Variants in CDC42BPA observed in about 807,000 individuals in gnomAD.
CDC42BPA encodes CDC42 binding protein kinase alpha, also known as serine/threonine-protein kinase MRCK alpha.
In CDC42BPA, 80 loss-of-function variants were observed where a neutral mutation model predicts 223.5. The observed-to-expected ratio is 0.36, with a 90% CI of 0.30 to 0.43. The LOEUF (loss-of-function observed/expected upper bound fraction) is 0.43, where lower values mean the gene tolerates loss of function less well. CDC42BPA is among the 20% of genes least tolerant of loss of function. The pLI is 1.00. For missense variants in CDC42BPA, 1,743 were observed against 2,099.9 expected (o/e 0.83, Z 3.32); for synonymous variants, 694 against 718.6 (o/e 0.97, Z 0.55).
chr1:227,316,583 A>G lies in CDC42BPA; in HGVS notation c.178+422T>C, dbSNP rs1430446823. Among the ~76,000 whole-genome samples, 2 of 152,238 alleles carry G rather than the reference A, an allele frequency of 1.3e-5. 1 individual carries two copies. Among genetic ancestry groups the G allele is most frequent in the Non-Finnish European group, 2.9e-5 (2 of 68,034 alleles). On this transcript the variant is annotated intron_variant, in intron 1 of 36. Coordinates refer to ENST00000366766, the MANE Select transcript of CDC42BPA (RefSeq NM_001394014.1). ...TTCTGTTGACCTAAGGCAAACACAG[A>G]TATTTTAATATCTCCTCCTATTTTG...
In CDC42BPA at chr1:226,993,969, T is replaced by C. The variant is rs1488202392; in HGVS notation, c.*299A>G. 3.7e-6 allele frequency: 1 copy of C among 271,046 alleles called. No homozygotes were observed. The highest frequency in any genetic ancestry group is 2.2e-5 in the African/African-American group (1 of 44,742). 16.8% of individuals were successfully genotyped at this position (271,046 alleles called of 1,614,324 possible). On this transcript the variant is annotated 3_prime_UTR_variant, in exon 37 of 37. Coordinates refer to ENST00000366766, the MANE Select transcript of CDC42BPA (RefSeq NM_001394014.1). ...TCTTATCACTTACATTTGTGTAATCTGTCTATTTAAGCTACCTTTGGGAGT... is the reference window on the plus strand; with the variant it reads ...TCTTATCACTTACATTTGTGTAATCCGTCTATTTAAGCTACCTTTGGGAGT...
intron 2 of CDC42BPA, among the ~76,000 whole-genome samples, chr1:227,247,287 A>T (rs1203818414): frequency 6.7e-6 from 1 of 149,710 alleles, no homozygotes; most frequent in Non-Finnish European, 1.5e-5. Flanking sequence ...ACTTGAGGTC[A>T]AAGACCAGCC....
Position 227,199,616 on chromosome 1 carries a change from T to G in CDC42BPA, c.391A>C (p.Asn131His). The G allele has an allele frequency of 6.2e-7, 1 of 1,608,726 alleles. No individual in the cohort carries two copies. The highest frequency in any genetic ancestry group is 8.5e-7 in the Non-Finnish European group (1 of 1,176,310). The change falls in exon 4 of 37, where the codon AAT becomes CAT. Residue 131 changes from asparagine (N) to histidine (H), a missense_variant. Coordinates refer to ENST00000366766, the MANE Select transcript of CDC42BPA (RefSeq NM_001394014.1). ...GTTGTAATCCATTTATTGTCTCCAT[T>G]CACTAATACATCCCTTTCTTCACGA... ...CFREERDVLVNGDNKWITTLH... is the reference protein window; with the variant it reads ...CFREERDVLVHGDNKWITTLH...
Position 226,990,837 on chromosome 1 carries a change from T to C in CDC42BPA, c.*3431A>G, listed in dbSNP as rs543194668. On this transcript the variant is annotated 3_prime_UTR_variant, in exon 37 of 37. Coordinates refer to ENST00000366766, the MANE Select transcript of CDC42BPA (RefSeq NM_001394014.1). ...GAGGCTGAGAGCTAGCCAGGAATGA[T>C]AGATTGTTGCTGTAAACATGACAGG... 11 of 152,744 alleles carry C rather than the reference T, an allele frequency of 7.2e-5. No homozygotes were observed. In the South Asian group the frequency reaches 1.4e-3, roughly 20 times the overall value. 9.5% of individuals were successfully genotyped at this position (152,744 alleles called of 1,614,324 possible).
At position 227,016,222 on chromosome 1, in the gene CDC42BPA, A is replaced by G. The variant is rs999293061; in HGVS notation, c.4740-25T>C. ...CCTGTAAGACAAGGCATCTGTTTAGATACTTTTTCCACAGTTAATTTATGT... is the reference window on the plus strand; with the variant it reads ...CCTGTAAGACAAGGCATCTGTTTAGGTACTTTTTCCACAGTTAATTTATGT... On this transcript the variant is annotated intron_variant, in intron 33 of 36. Coordinates refer to ENST00000366766, the MANE Select transcript of CDC42BPA (RefSeq NM_001394014.1). 3.2e-6 allele frequency: 4 copies of G among 1,235,706 alleles called. No individual in the cohort carries two copies. In the African/African-American group the frequency reaches 5.9e-5, roughly 18 times the overall value. The allele number at this position is 1,235,706 out of a possible 1,614,324, so 76.5% of individuals were successfully genotyped here.
chr1:227,133,131 G>A (rs1271698910), intron 10 of CDC42BPA, among the ~76,000 whole-genome samples: 8 of 150,266 alleles, frequency 5.3e-5, no homozygotes, highest in Non-Finnish European at 7.4e-5. Context: ...TCCGGGAGGC[G>A]AGGGGCACCT....
intron 2 of CDC42BPA, among the ~76,000 whole-genome samples, chr1:227,239,448 T>C (rs1679652648): frequency 6.6e-6 from 1 of 152,156 alleles, no homozygotes; most frequent in South Asian, 2.1e-4. Flanking sequence ...TCAATGTAGT[T>C]TCCTGGATTG....
intron 1 of CDC42BPA, among the ~76,000 whole-genome samples, chr1:227,305,588 G>A (rs1026941205): frequency 3.4e-4 from 51 of 152,044 alleles, no homozygotes; most frequent in African/African-American, 1.2e-3. Context: ...CTCTTTCAAC[G>A]AAGTTCATAT....
intron 5 of CDC42BPA, among the ~76,000 whole-genome samples, chr1:227,170,455 A>C (rs1215977975): frequency 8.2e-6 from 1 of 121,534 alleles, no homozygotes; most frequent in African/African-American, 3.1e-5. Context: ...ACTCATGAGC[A>C]AAAAAAAAAA....
chr1:227,317,395 A>T lies in CDC42BPA; in HGVS notation c.-213T>A. The stretch of plus-strand genomic sequence containing the variant: ...ATTTCACCCATATACATATATTTTG[A>T]GGGTAAATTACCATAAAATATATAC... On this transcript the variant is annotated 5_prime_UTR_variant, in exon 1 of 37. Coordinates refer to ENST00000366766, the MANE Select transcript of CDC42BPA (RefSeq NM_001394014.1). 2.2e-6 allele frequency: 1 copy of T among 456,468 alleles called. No homozygotes were observed. Among genetic ancestry groups the T allele is most frequent in the Non-Finnish European group, 3.8e-6 (1 of 263,394 alleles). 28.3% of individuals were successfully genotyped at this position (456,468 alleles called of 1,614,324 possible).
chr1:227,258,176 G>GGAA (rs368193166), intron 1 of CDC42BPA, among the ~76,000 whole-genome samples: 7,053 of 108,010 alleles, frequency 0.065, 255 homozygotes, highest in Non-Finnish European at 0.084. Context: ...CCCTGTCCGG[G>GGAA]AAAAAAAAAA....
At position 227,297,967 on chromosome 1, in the gene CDC42BPA, T is replaced by TATACACACACACACAC. The variant is rs369403944; in HGVS notation, c.178+19037_178+19038insGTGTGTGTGTGTGTAT. ...GTGTGTGTGTGTGTATATATACATA[T>TATACACACACACACAC]ACACACACACACACATATATACATA... is the stretch of plus-strand genomic sequence containing the variant. On this transcript the variant is annotated intron_variant, in intron 1 of 36. Coordinates refer to ENST00000366766, the MANE Select transcript of CDC42BPA (RefSeq NM_001394014.1). Among the ~76,000 whole-genome samples, 764 of 132,036 alleles carry TATACACACACACACAC rather than the reference T, an allele frequency of 5.8e-3. 15 individuals are homozygous for TATACACACACACACAC. Among genetic ancestry groups the TATACACACACACACAC allele is most frequent in the African/African-American group, 0.021 (725 of 34,178 alleles). The allele number at this position is 132,036 out of a possible 152,430, so 86.6% of individuals were successfully genotyped here.
intron 1 of CDC42BPA, among the ~76,000 whole-genome samples, chr1:227,311,381 A>T (rs1304571942): frequency 6.6e-6 from 1 of 152,144 alleles, no homozygotes; most frequent in Non-Finnish European, 1.5e-5. Flanking sequence ...GAGCTAAGCA[A>T]TTCTTGGTCC....
chr1:227,001,956 AAAAAC>A (rs919307604), intron 35 of CDC42BPA, among the ~76,000 whole-genome samples: 8 of 152,180 alleles, frequency 5.3e-5, no homozygotes, highest in African/African-American at 1.2e-4. Context: ...AACCAAAACA[AAAAAC>A]AAAACAACAA....
At chr1:227,115,080 C>T (rs948769031) in intron 12 of CDC42BPA, among the ~76,000 whole-genome samples, 2 of 152,114 alleles carry the variant, frequency 1.3e-5, no homozygotes, top group East Asian at 3.9e-4. Context: ...ATACACTTAA[C>T]ATTACTTAAC....
chr1:227,047,460 C>T (rs1051339529), intron 23 of CDC42BPA, among the ~76,000 whole-genome samples: 2 of 151,978 alleles, frequency 1.3e-5, no homozygotes, highest in Non-Finnish European at 2.9e-5. Flanking sequence ...ATTCAGTTTT[C>T]CAATTTCTGG....
intron 1 of CDC42BPA, among the ~76,000 whole-genome samples, chr1:227,260,995 C>G (rs1246319569): frequency 1.3e-5 from 2 of 150,804 alleles, no homozygotes; most frequent in Non-Finnish European, 1.5e-5. Context: ...ATACAAAGAA[C>G]AAAGTTACAG....
At chr1:227,102,986 C>A (rs1218859709) in intron 14 of CDC42BPA, among the ~76,000 whole-genome samples, 1 of 151,970 alleles carries the variant, frequency 6.6e-6, no homozygotes, top group East Asian at 1.9e-4. Context: ...ACCAGTAATT[C>A]TTTTAATTTA....
chr1:227,063,642 AATAT>A (rs970478298), intron 21 of CDC42BPA, among the ~76,000 whole-genome samples: 4 of 152,176 alleles, frequency 2.6e-5, no homozygotes, highest in African/African-American at 9.6e-5. Context: ...GGTTGTGGTG[AATAT>A]GTGGATAGAA....
Sources: gnomAD v4.1 joint callset for allele counts (sites outside exome capture counted in the v4.1 genomes callset) on GRCh38, gnomAD v4.1.1 for gene constraint, MANE v1.5 for transcripts, NCBI Gene and HGNC (gene_info 2026-07-23, HGNC 2026-07-21) for gene names.